The following RHOBTB2 variants were observed in gnomAD, a reference collection of about 807,000 sequenced individuals.
RHOBTB2 encodes rho-related BTB domain-containing protein 2.
A neutral mutation model predicts 66.5 loss-of-function variants in RHOBTB2; 39 were observed. The ratio of observed to expected loss-of-function variants is 0.59; its 90% CI spans 0.45 to 0.77. The LOEUF is 0.77. RHOBTB2 is among the 30% of genes least tolerant of loss of function. The pLI, the probability that RHOBTB2 is intolerant of heterozygous loss-of-function variation, is 0.00. For missense variants in RHOBTB2, 755 were observed against 999.1 expected (o/e 0.76, Z 3.29); for synonymous variants, 390 against 395.0 (o/e 0.99, Z 0.15).
At chr8:22,958,802 G>GAAAAAAAAAAAAA in the RHOBTB2 span, among the ~76,000 whole-genome samples, 1 of 52,190 alleles carries the variant, frequency 1.9e-5, no homozygotes, top group African/African-American at 7.6e-5. Flanking sequence ...GCCCCTCTCT[G>GAAAAAAAAAAAAA]AAAAAAAAAA....
chr8:22,958,979 A>G, the RHOBTB2 span, among the ~76,000 whole-genome samples: 1 of 152,138 alleles, frequency 6.6e-6, no homozygotes, highest in Non-Finnish European at 1.5e-5. Context: ...GTGGCCTGGA[A>G]AGTCTAAGGC....
chr8:22,989,364 T>C (rs1810367981), intron 1 of RHOBTB2, among the ~76,000 whole-genome samples: 1 of 152,204 alleles, frequency 6.6e-6, no homozygotes, highest in Non-Finnish European at 1.5e-5. Context: ...GCCAGGCTGG[T>C]CTTGAGTTCC....
chr8:23,015,333 A>C (rs1268963191), intron 8 of RHOBTB2, among the ~76,000 whole-genome samples: 1 of 152,070 alleles, frequency 6.6e-6, no homozygotes, highest in Non-Finnish European at 1.5e-5. Flanking sequence ...AGGTAGGTTG[A>C]GATCTGAGGA....
At chr8:22,991,018 C>T (rs546834057) in intron 1 of RHOBTB2, among the ~76,000 whole-genome samples, 1 of 152,140 alleles carries the variant, frequency 6.6e-6, no homozygotes, top group East Asian at 1.9e-4. Flanking sequence ...TCAGACTGGA[C>T]ACTTGGTTTT....
In RHOBTB2 at chr8:22,999,579, A is replaced by G; in HGVS notation, c.-537A>G. 8.3e-7 allele frequency: 1 copy of G among 1,209,292 alleles called. No individual in the cohort carries two copies. Among genetic ancestry groups the G allele is most frequent in the East Asian group, 8.7e-5 (1 of 11,474 alleles). 74.9% of individuals were successfully genotyped at this position (1,209,292 alleles called of 1,614,324 possible). ...CGTCACGGCTGTCGTCTTGGGTGCG[A>G]TTTTTTTCTCCTCCTTTTTTTACCC... On this transcript the variant is annotated 5_prime_UTR_variant, in exon 1 of 10. Coordinates refer to ENST00000251822, the MANE Select transcript of RHOBTB2 (RefSeq NM_015178.3).
In RHOBTB2 at chr8:23,018,558, C is replaced by G. The variant is rs1478364235; in HGVS notation, c.*1089C>G. The G allele has an allele frequency of 6.6e-6, 1 of 152,272 alleles. No individual in the cohort carries two copies. The highest frequency in any genetic ancestry group is 2.4e-5 in the African/African-American group (1 of 41,444). The allele number at this position is 152,272 out of a possible 1,614,324, so 9.4% of individuals were successfully genotyped here. ...AAAGGACTCGGCACTTCTCTGACTG[C>G]GGAGGCCCTGACCCTGCCAGCTGGC... On this transcript the variant is annotated 3_prime_UTR_variant, in exon 10 of 10. Coordinates refer to ENST00000251822, the MANE Select transcript of RHOBTB2 (RefSeq NM_015178.3).
chr8:23,014,584 CG>C (rs1811236591), intron 7 of RHOBTB2, 105 bp from the exon 8 acceptor site: 1 of 1,022,500 alleles, frequency 9.8e-7, no homozygotes, highest in Non-Finnish European at 1.5e-6. Context: ...CGGACCTGCC[CG>C]GGCCCTGGTT....
At position 23,007,469 on chromosome 8, in the gene RHOBTB2, A is replaced by C; in HGVS notation, c.1224A>C (p.Lys408Asn). 1 of 1,613,922 alleles carries C rather than the reference A, an allele frequency of 6.2e-7. No homozygotes were observed. ...TGGCAGAAGATCCTCTCACCTACAAATCCCGGCTGATGGTGGTGGTGAAGA... is the reference window on the plus strand; with the variant it reads ...TGGCAGAAGATCCTCTCACCTACAACTCCCGGCTGATGGTGGTGGTGAAGA... The part of the protein sequence containing the change: ...EEMAEDPLTY[K>N]SRLMVVVKMD... Residue 408 changes from lysine (K) to asparagine (N), a missense_variant, in exon 5 of 10, where the codon AAA (lysine) becomes AAC (asparagine). By Grantham distance (94) the Lys-to-Asn change is moderately conservative. This residue lies in a region of RHOBTB2 where 353 missense variants were observed against 458.2 expected (regional missense o/e 0.77). Coordinates refer to ENST00000251822, the MANE Select transcript of RHOBTB2 (RefSeq NM_015178.3).
intron 1 of RHOBTB2, among the ~76,000 whole-genome samples, chr8:23,001,173 G>C (rs148016548): frequency 1.3e-5 from 2 of 152,284 alleles, no homozygotes; most frequent in East Asian, 3.9e-4. Context: ...GTGACTTTGC[G>C]ATTGTCATGG....
chr8:22,990,109 A>T (rs921900378), intron 1 of RHOBTB2, among the ~76,000 whole-genome samples: 13 of 152,246 alleles, frequency 8.5e-5, no homozygotes, highest in African/African-American at 2.7e-4. Flanking sequence ...ACATGATAGC[A>T]TATCATCATT....
rs143919447 is a variant in RHOBTB2, at chr8:23,013,076, G to C, written c.1772-1614G>C. Among the ~76,000 whole-genome samples, 612 of 152,036 alleles carry C rather than the reference G, an allele frequency of 4.0e-3. 19 individuals are homozygous for C. Among genetic ancestry groups the C allele is most frequent in the African/African-American group, 0.014 (583 of 41,322 alleles). ...GGCCTCCCAAAGTGCTGGGATTACA[G>C]GCGTGAGCCACCACACCCGGCCTAA... On this transcript the variant is annotated intron_variant, in intron 7 of 9. Coordinates refer to ENST00000251822, the MANE Select transcript of RHOBTB2 (RefSeq NM_015178.3).
At chr8:22,951,085 A>G in the RHOBTB2 span, among the ~76,000 whole-genome samples, 4 of 152,074 alleles carry the variant, frequency 2.6e-5, no homozygotes, top group Non-Finnish European at 5.9e-5. Context: ...TATCTGCCCA[A>G]ATAATTTCCT....
At position 23,017,505 on chromosome 8, in the gene RHOBTB2, T is replaced by C. The variant is rs775554360; in HGVS notation, c.*36T>C. 2 of 1,553,596 alleles carry C rather than the reference T, an allele frequency of 1.3e-6. No homozygotes were observed. The highest frequency in any genetic ancestry group is 2.0e-5 in the Admixed American group (1 of 51,160). On this transcript the variant is annotated 3_prime_UTR_variant, in exon 10 of 10. Coordinates refer to ENST00000251822, the MANE Select transcript of RHOBTB2 (RefSeq NM_015178.3). This position sits in a 1 kb window ranked among gnomAD's most constrained non-coding sequence, Gnocchi z 5.3. ...CCCTCTTCTGACCCTGCTGCTGTTG[T>C]CCCCATCCGCCTTCACCCCTCTGCT...
chr8:22,999,407 C>CG (rs910681637), upstream of RHOBTB2, among the ~76,000 whole-genome samples: 1 of 151,618 alleles, frequency 6.6e-6, no homozygotes, highest in Non-Finnish European at 1.5e-5. Flanking sequence ...GGCGTCGCTG[C>CG]GGGAGGGGCG....
chr8:23,002,979 C>T (rs1006514238), intron 1 of RHOBTB2, among the ~76,000 whole-genome samples: 1 of 152,220 alleles, frequency 6.6e-6, no homozygotes, highest in Admixed American at 6.5e-5. Context: ...TACAGCCCAG[C>T]AGGAATGGAG....
upstream of RHOBTB2, among the ~76,000 whole-genome samples, chr8:22,984,134 AC>A (rs1810255308): frequency 6.6e-6 from 1 of 152,240 alleles, no homozygotes; most frequent in Non-Finnish European, 1.5e-5. Context: ...GCAAAAAAAA[AC>A]AGTACAAAAA....
the RHOBTB2 span, among the ~76,000 whole-genome samples, chr8:22,968,895 CA>C: frequency 1.6e-3 from 223 of 138,720 alleles, 1 homozygote; most frequent in African/African-American, 4.6e-3. Flanking sequence ...AGAATAAAAG[CA>C]AAAAAAAAAG....
the RHOBTB2 span, among the ~76,000 whole-genome samples, chr8:22,960,109 G>A: frequency 1.3e-5 from 2 of 150,984 alleles, no homozygotes; most frequent in African/African-American, 4.9e-5. Context: ...CCTGAACCCA[G>A]GAAGTGGAGG....
At chr8:22,977,550 T>G in the RHOBTB2 span, among the ~76,000 whole-genome samples, 1 of 137,500 alleles carries the variant, frequency 7.3e-6, no homozygotes, top group African/African-American at 2.8e-5. Flanking sequence ...CCAGCTTGGG[T>G]GACAGAATGC....
Sources: gnomAD v4.1 joint callset for allele counts (sites outside exome capture counted in the v4.1 genomes callset) on GRCh38, gnomAD v4.1.1 for gene constraint, gnomAD v4.1.1 regional missense constraint, Gnocchi (gnomAD v3.1) non-coding constraint, MANE v1.5 for transcripts, NCBI Gene and HGNC (gene_info 2026-07-23, HGNC 2026-07-21) for gene names.